NBAS: variants seen among roughly 807,000 people sequenced by gnomAD.
NBAS encodes the protein NBAS subunit of NRZ tethering complex.
In NBAS, 219 loss-of-function variants were observed where a neutral mutation model predicts 302.5. The ratio of observed to expected loss-of-function variants is 0.72; its 90% CI spans 0.65 to 0.81. The LOEUF (loss-of-function observed/expected upper bound fraction) is 0.81, where lower values mean the gene tolerates loss of function less well. NBAS is among the 30% of genes least tolerant of loss of function. NBAS has a pLI of 0.00. For synonymous variants in NBAS, 1,118 were observed against 1,021.6 expected, an observed-to-expected ratio of 1.09 and a Z score of -1.80; for missense variants, 2,932 against 2,841.6, an observed-to-expected ratio of 1.03 and a Z score of -0.72.
the NBAS span, among the ~76,000 whole-genome samples, chr2:15,004,005 T>TA: frequency 2.0e-5 from 3 of 152,282 alleles, no homozygotes; most frequent in Non-Finnish European, 4.4e-5. Flanking sequence ...TTAAATGCCG[T>TA]AAAAAAATTG....
chr2:15,034,039 G>GAAGAAGAAGAA, the NBAS span, among the ~76,000 whole-genome samples: 1 of 84,596 alleles, frequency 1.2e-5, no homozygotes, highest in Non-Finnish European at 2.2e-5. Context: ...GGAGGAGGAA[G>GAAGAAGAAGAA]GAGGAGGAGG....
At chr2:14,985,512 G>A in the NBAS span, among the ~76,000 whole-genome samples, 1 of 152,210 alleles carries the variant, frequency 6.6e-6, no homozygotes. Flanking sequence ...CAACTAAATA[G>A]CTGAGAAAAG....
At chr2:15,457,144 G>A (rs1679283416) in intron 21 of NBAS, among the ~76,000 whole-genome samples, 3 of 152,134 alleles carry the variant, frequency 2.0e-5, no homozygotes, top group Admixed American at 2.0e-4. Context: ...AGAGCAGGGG[G>A]CTCTATGCAA....
the NBAS span, among the ~76,000 whole-genome samples, chr2:15,145,928 C>A: frequency 6.6e-6 from 1 of 151,916 alleles, no homozygotes; most frequent in Non-Finnish European, 1.5e-5. Context: ...CTTCGAGACT[C>A]CCTGAGTTGG....
chr2:15,148,749 T>G, the NBAS span, among the ~76,000 whole-genome samples: 1 of 152,338 alleles, frequency 6.6e-6, no homozygotes, highest in Non-Finnish European at 1.5e-5. Context: ...AACTAGAATT[T>G]GGTGCCCTGT....
chr2:15,461,479 A>G, intron 20 of NBAS, 142 bp from the exon 21 acceptor site: 2 of 906,478 alleles, frequency 2.2e-6, no homozygotes, highest in Non-Finnish European at 3.5e-6. Context: ...TTCCTAGCCT[A>G]TATCCTGTTT....
At chr2:14,797,597 T>C in the NBAS span, among the ~76,000 whole-genome samples, 9 of 152,170 alleles carry the variant, frequency 5.9e-5, no homozygotes, top group Admixed American at 4.6e-4. Flanking sequence ...AGCTGGAGCC[T>C]GTCATGGAAG....
chr2:15,218,968 A>C lies in NBAS; in HGVS notation c.6237T>G (p.Gly2079=), dbSNP rs1260409538. 6.2e-7 allele frequency: 1 copy of C among 1,614,236 alleles called. No homozygotes were observed. Among genetic ancestry groups the C allele is most frequent in the Non-Finnish European group, 8.5e-7 (1 of 1,180,032 alleles). The part of the protein sequence containing the change: ...VAAVHASVDK[G]EELVSPEDLL... Reference sequence around the variant, plus strand: ...GGTCCTCAGGTGAAACCAGCTCCTCACTGCAGGGCAAAATCCAGAGGTATC... The same window carrying C: ...GGTCCTCAGGTGAAACCAGCTCCTCCCTGCAGGGCAAAATCCAGAGGTATC... Residue 2079 remains glycine (G), a splice_region_variant and synonymous_variant, in exon 48 of 52, where the codon GGT becomes GGG. Transcript: ENST00000281513.
At chr2:15,374,195 C>T (rs1413094738) in intron 31 of NBAS, among the ~76,000 whole-genome samples, 1 of 151,920 alleles carries the variant, frequency 6.6e-6, no homozygotes, top group Non-Finnish European at 1.5e-5. Context: ...CTGAGTCAAG[C>T]ATAAAAAGAA....
chr2:14,843,498 G>T, the NBAS span, among the ~76,000 whole-genome samples: 15 of 151,722 alleles, frequency 9.9e-5, no homozygotes, highest in African/African-American at 3.2e-4. Context: ...GGACAAATAT[G>T]AGGCTCCACT....
intron 38 of NBAS, among the ~76,000 whole-genome samples, chr2:15,317,337 CTT>C (rs1034586967): frequency 2.6e-5 from 4 of 152,166 alleles, no homozygotes; most frequent in Non-Finnish European, 5.9e-5. Context: ...CAGAGCACCT[CTT>C]TTCCTCCAAT....
At chr2:15,456,916 G>A (rs1234950432) in intron 21 of NBAS, among the ~76,000 whole-genome samples, 1 of 152,046 alleles carries the variant, frequency 6.6e-6, no homozygotes, top group Non-Finnish European at 1.5e-5. Flanking sequence ...GAGAAACAGA[G>A]TATAGGCAAA....
intron 23 of NBAS, among the ~76,000 whole-genome samples, chr2:15,420,414 CA>C (rs1367717032): frequency 5.9e-5 from 9 of 152,168 alleles, no homozygotes; most frequent in Admixed American, 5.9e-4. Flanking sequence ...AAACAAAAAG[CA>C]GAGTGGCTAT....
At chr2:14,988,775 T>TA in the NBAS span, among the ~76,000 whole-genome samples, 2 of 152,222 alleles carry the variant, frequency 1.3e-5, no homozygotes, top group Non-Finnish European at 2.9e-5. Flanking sequence ...GTAAAAATTT[T>TA]AAATTTTTAG....
chr2:15,067,378 A>AGGAGAGGAGG, the NBAS span, among the ~76,000 whole-genome samples: 3 of 34,056 alleles, frequency 8.8e-5, no homozygotes, highest in Non-Finnish European at 2.0e-4. Flanking sequence ...AAGAGAGGAG[A>AGGAGAGGAGG]GGAGAGGAGG....
chr2:14,915,698 G>C, the NBAS span, among the ~76,000 whole-genome samples: 2 of 152,140 alleles, frequency 1.3e-5, no homozygotes, highest in African/African-American at 4.8e-5. Flanking sequence ...AAGTAGCTGG[G>C]ACTACAGGCA....
intron 35 of NBAS, among the ~76,000 whole-genome samples, chr2:15,339,977 T>C (rs1672772231): frequency 6.7e-6 from 1 of 149,554 alleles, no homozygotes; most frequent in Non-Finnish European, 1.5e-5. Context: ...TGAATGTGTA[T>C]ATTGGGGGCA....
intron 39 of NBAS, 107 bp downstream of exon 39, chr2:15,309,064 G>C: frequency 1.8e-6 from 1 of 553,270 alleles, no homozygotes; most frequent in South Asian, 3.7e-5. Context: ...AGAAAAAAAA[G>C]AAACAGGAGG....
chr2:15,363,148 T>C (rs566946610), intron 32 of NBAS, among the ~76,000 whole-genome samples: 2 of 152,300 alleles, frequency 1.3e-5, no homozygotes, highest in East Asian at 1.9e-4. Context: ...CTTCAGGCCA[T>C]ATCCACAGAG....
Sources: allele counts gnomAD v4.1 joint callset (sites outside exome capture counted in the v4.1 genomes callset), GRCh38; gene constraint gnomAD v4.1.1; transcripts MANE v1.5; gene names NCBI Gene and HGNC (gene_info 2026-07-23, HGNC 2026-07-21).